The following NELL1 variants were observed in gnomAD, a reference collection of about 807,000 sequenced individuals.
The protein encoded by NELL1 is neural EGFL like 1.
Under a neutral mutation model 107.4 loss-of-function variants are expected in NELL1, and 76 were observed. The observed-to-expected ratio is 0.71, with a 90% CI of 0.59 to 0.86. NELL1 has a LOEUF of 0.86. NELL1 is among the 40% of genes least tolerant of loss of function. NELL1 has a pLI of 0.00. For missense variants in NELL1, 1,024 were observed against 1,005.5 expected, an observed-to-expected ratio of 1.02 and a Z score of -0.25; for synonymous variants, 353 against 341.2, an observed-to-expected ratio of 1.03 and a Z score of -0.38.
At chr11:20,964,335 TA>T (rs1308249331) in intron 12 of NELL1, among the ~76,000 whole-genome samples, 1 of 152,182 alleles carries the variant, frequency 6.6e-6, no homozygotes, top group Non-Finnish European at 1.5e-5. Flanking sequence ...CTTTCTGTGA[TA>T]AAAAGTTACT....
At chr11:21,234,458 C>T (rs1373105066) in intron 14 of NELL1, among the ~76,000 whole-genome samples, 3 of 152,138 alleles carry the variant, frequency 2.0e-5, no homozygotes, top group African/African-American at 7.2e-5. Context: ...ACCAGTGCAC[C>T]ATGATTGGGC....
intron 15 of NELL1, among the ~76,000 whole-genome samples, chr11:21,512,474 A>G (rs1218183005): frequency 6.6e-6 from 1 of 152,154 alleles, no homozygotes; most frequent in Non-Finnish European, 1.5e-5. Context: ...TGCTTGATAT[A>G]TAGTGATATT....
chr11:20,850,886 T>C (rs1375555051), intron 4 of NELL1, among the ~76,000 whole-genome samples: 1 of 152,202 alleles, frequency 6.6e-6, no homozygotes, highest in Non-Finnish European at 1.5e-5. Context: ...TTTTACTAGA[T>C]GCATTTTGCA....
At chr11:20,825,064 C>T (rs1167710412) in intron 3 of NELL1, among the ~76,000 whole-genome samples, 1 of 151,282 alleles carries the variant, frequency 6.6e-6, no homozygotes, top group African/African-American at 2.4e-5. Flanking sequence ...GGGTGCAAGC[C>T]CCAAGTCTTG....
chr11:21,251,848 T>C (rs1565131282), intron 14 of NELL1, among the ~76,000 whole-genome samples: 1 of 152,080 alleles, frequency 6.6e-6, no homozygotes, highest in Non-Finnish European at 1.5e-5. Context: ...AGATGGTCTG[T>C]AAGTGAGTAG....
At chr11:20,692,893 G>A (rs1439922628) in intron 2 of NELL1, among the ~76,000 whole-genome samples, 2 of 152,154 alleles carry the variant, frequency 1.3e-5, no homozygotes, top group East Asian at 1.9e-4. Context: ...GGGTGTTAAA[G>A]TCTCCCATTA....
chr11:21,086,591 C>T (rs987970875), intron 12 of NELL1, among the ~76,000 whole-genome samples: 31 of 152,084 alleles, frequency 2.0e-4, no homozygotes, highest in African/African-American at 6.5e-4. Context: ...GCTTGATGTA[C>T]CCAGTTACAC....
intron 14 of NELL1, among the ~76,000 whole-genome samples, chr11:21,350,000 G>A (rs561004035): frequency 3.3e-5 from 5 of 152,114 alleles, no homozygotes; most frequent in East Asian, 1.9e-4. Flanking sequence ...GTCCAACATA[G>A]CCAATAATTT....
chr11:20,855,870 GA>G, intron 4 of NELL1, among the ~76,000 whole-genome samples: 1 of 152,160 alleles, frequency 6.6e-6, no homozygotes, highest in East Asian at 1.9e-4. Context: ...CTTTTTAATT[GA>G]AAAAACAAAA....
chr11:20,684,457 T>C (rs890724692), intron 2 of NELL1, among the ~76,000 whole-genome samples: 5 of 152,124 alleles, frequency 3.3e-5, no homozygotes, highest in African/African-American at 9.7e-5. Context: ...TCAGTTTGAC[T>C]GTGTAAAAAA....
intron 14 of NELL1, among the ~76,000 whole-genome samples, chr11:21,319,766 G>A (rs1373553302): frequency 6.6e-6 from 1 of 151,728 alleles, no homozygotes; most frequent in Non-Finnish European, 1.5e-5. Flanking sequence ...TGGCTAACAC[G>A]GTGAAACCCC....
chr11:21,164,828 G>A (rs1190684495), intron 13 of NELL1, among the ~76,000 whole-genome samples: 2 of 152,074 alleles, frequency 1.3e-5, no homozygotes, highest in Non-Finnish European at 2.9e-5. Flanking sequence ...CATGGGAGAT[G>A]TAGTAATTAA....
intron 12 of NELL1, among the ~76,000 whole-genome samples, chr11:21,026,486 G>C (rs141083939): frequency 1.3e-5 from 2 of 151,956 alleles, no homozygotes; most frequent in Non-Finnish European, 2.9e-5. Context: ...ATTCCCATTC[G>C]CCATCCCCCT....
chr11:20,819,692 G>T (rs1020610674), intron 3 of NELL1, among the ~76,000 whole-genome samples: 1 of 152,214 alleles, frequency 6.6e-6, no homozygotes, highest in African/African-American at 2.4e-5. Flanking sequence ...CTTTAAGCCA[G>T]TGTAGACCCC....
At chr11:21,127,277 G>A (rs1341770036) in intron 13 of NELL1, among the ~76,000 whole-genome samples, 2 of 151,994 alleles carry the variant, frequency 1.3e-5, no homozygotes, top group African/African-American at 2.4e-5. Flanking sequence ...TAATACTATA[G>A]TAACATTAAG....
chr11:21,125,108 C>T (rs1855459079), intron 13 of NELL1, among the ~76,000 whole-genome samples: 1 of 152,118 alleles, frequency 6.6e-6, no homozygotes, highest in African/African-American at 2.4e-5. Flanking sequence ...GGCAGCTGAT[C>T]TGATAGTGGA....
chr11:20,866,327 C>T (rs903650614), intron 4 of NELL1, among the ~76,000 whole-genome samples: 2 of 152,182 alleles, frequency 1.3e-5, no homozygotes, highest in African/African-American at 4.8e-5. Flanking sequence ...ACAGGACCGC[C>T]TGTTCTATTC....
At chr11:20,747,480 A>C (rs1856030920) in intron 2 of NELL1, among the ~76,000 whole-genome samples, 1 of 152,128 alleles carries the variant, frequency 6.6e-6, no homozygotes, top group Admixed American at 6.6e-5. Context: ...ATTATAACAG[A>C]ATTTCTGAAA....
chr11:21,400,655 A>T (rs1047607450), intron 15 of NELL1, among the ~76,000 whole-genome samples: 4 of 151,926 alleles, frequency 2.6e-5, no homozygotes, highest in African/African-American at 7.2e-5. Context: ...TGCTCTGCCC[A>T]AGCCAGACTA....
Sources: gnomAD v4.1 joint callset for allele counts (sites outside exome capture counted in the v4.1 genomes callset) on GRCh38, gnomAD v4.1.1 for gene constraint, MANE v1.5 for transcripts, NCBI Gene and HGNC (gene_info 2026-07-23, HGNC 2026-07-21) for gene names.